C3orf70: variants seen among roughly 807,000 people sequenced by gnomAD.
The protein encoded by C3orf70 is UPF0524 protein C3orf70.
A neutral mutation model predicts 20.7 loss-of-function variants in C3orf70; 15 were observed. The observed-to-expected ratio is 0.72, with a 90% CI of 0.48 to 1.11. C3orf70 has a LOEUF of 1.11. C3orf70 is among the 50% of genes most tolerant of loss of function. The probability of loss-of-function intolerance (pLI) is 0.00; values close to 1 mark genes in which losing one functional copy is unlikely to be tolerated. For synonymous variants in C3orf70, 161 were observed against 125.7 expected (o/e 1.28, Z -1.88); for missense variants, 332 against 317.6 (o/e 1.05, Z -0.34).
At chr3:185,137,259 G>A (rs1716648224) in intron 1 of C3orf70, among the ~76,000 whole-genome samples, 1 of 152,178 alleles carries the variant, frequency 6.6e-6, no homozygotes, top group African/African-American at 2.4e-5. Flanking sequence ...TGATTGTGAG[G>A]CTTCCCAGCC....
rs915266704 is a variant in C3orf70, at chr3:185,079,834, T to A, written c.*3173A>T. The A allele has an allele frequency of 1.3e-5, 2 of 152,678 alleles. No homozygotes were observed. The highest frequency in any genetic ancestry group is 1.3e-4 in the Admixed American group (2 of 15,284). 9.5% of individuals were successfully genotyped at this position (152,678 alleles called of 1,614,324 possible). On this transcript the variant is annotated 3_prime_UTR_variant, in exon 2 of 2. Transcript: ENST00000335012. ...GGGTCCAAAGTATACAGCTTTCATA[T>A]CTGTCAGTCAGTGTGCAAGTGTTAA...
chr3:185,132,832 T>TA (rs1259592976), intron 1 of C3orf70, among the ~76,000 whole-genome samples: 1 of 152,038 alleles, frequency 6.6e-6, no homozygotes, highest in Non-Finnish European at 1.5e-5. Flanking sequence ...CAGAGAAATG[T>TA]AGAACACCAA....
At chr3:185,104,434 A>C (rs942163466) in intron 1 of C3orf70, among the ~76,000 whole-genome samples, 4 of 152,208 alleles carry the variant, frequency 2.6e-5, no homozygotes, top group African/African-American at 9.6e-5. Flanking sequence ...CAAAGACCTA[A>C]AAACAGAACT....
At chr3:185,114,872 A>C (rs1716144475) in intron 1 of C3orf70, among the ~76,000 whole-genome samples, 1 of 152,234 alleles carries the variant, frequency 6.6e-6, no homozygotes, top group Admixed American at 6.5e-5. Flanking sequence ...TGGGGAAAAA[A>C]AGGGAACTCA....
At chr3:185,102,657 C>G (rs576675999) in intron 1 of C3orf70, among the ~76,000 whole-genome samples, 2 of 152,228 alleles carry the variant, frequency 1.3e-5, no homozygotes, top group South Asian at 4.1e-4. Flanking sequence ...ATTTCAAACT[C>G]TACTACAGGG....
At chr3:185,099,122 G>A (rs1715770198) in intron 1 of C3orf70, among the ~76,000 whole-genome samples, 1 of 152,192 alleles carries the variant, frequency 6.6e-6, no homozygotes, top group African/African-American at 2.4e-5. Context: ...TTTAAGACAT[G>A]GGGAGAGTGT....
At chr3:185,107,332 A>G (rs1715965119) in intron 1 of C3orf70, among the ~76,000 whole-genome samples, 1 of 152,200 alleles carries the variant, frequency 6.6e-6, no homozygotes, top group African/African-American at 2.4e-5. Context: ...TGGGGGAGAG[A>G]TTTATTACAA....
In C3orf70 at chr3:185,117,454, A is replaced by AAGAGAGAGAGAGAG. The variant is rs3072374; in HGVS notation, c.197-33905_197-33892dup. 3.9e-3 allele frequency among the ~76,000 whole-genome samples: 550 copies of AAGAGAGAGAGAGAG among 141,972 alleles called. 3 individuals carry two copies. The highest frequency in any genetic ancestry group is 0.015 in the African/African-American group (526 of 35,610). The allele number at this position is 141,972 out of a possible 152,430, so 93.1% of individuals were successfully genotyped here. On this transcript the variant is annotated intron_variant, in intron 1 of 1. Transcript: ENST00000335012. ...ACACACACACACACACACACACAGA[A>AAGAGAGAGAGAGAG]AGAGAGAGAGAGAGAGAGAGAGAGA...
chr3:185,114,967 T>C (rs574203815), intron 1 of C3orf70, among the ~76,000 whole-genome samples: 1 of 152,360 alleles, frequency 6.6e-6, no homozygotes, highest in Non-Finnish European at 1.5e-5. Context: ...CCTCAGGCAA[T>C]TCACTCAAAC....
intron 1 of C3orf70, among the ~76,000 whole-genome samples, chr3:185,135,620 A>G (rs1183949314): frequency 6.6e-6 from 1 of 152,240 alleles, no homozygotes; most frequent in East Asian, 1.9e-4. Flanking sequence ...TGTATTGCAC[A>G]TTTCAAAATA....
intron 1 of C3orf70, among the ~76,000 whole-genome samples, chr3:185,135,741 A>G (rs1339137436): frequency 6.6e-6 from 1 of 152,230 alleles, no homozygotes; most frequent in Non-Finnish European, 1.5e-5. Flanking sequence ...ATGTAACAAA[A>G]TATCACATGT....
chr3:185,088,787 C>G (rs780642378), intron 1 of C3orf70, among the ~76,000 whole-genome samples: 25 of 152,180 alleles, frequency 1.6e-4, no homozygotes, highest in Admixed American at 6.5e-5. Flanking sequence ...GGATAGGTGG[C>G]TCTTGTCTGC....
At chr3:185,119,358 T>C (rs553062570) in intron 1 of C3orf70, among the ~76,000 whole-genome samples, 56 of 152,186 alleles carry the variant, frequency 3.7e-4, no homozygotes, top group African/African-American at 1.2e-3. Context: ...CACTTGAAAT[T>C]TGTGCTAAGA....
intron 1 of C3orf70, among the ~76,000 whole-genome samples, chr3:185,090,755 T>C (rs1347708926): frequency 6.6e-6 from 1 of 152,126 alleles, no homozygotes; most frequent in Non-Finnish European, 1.5e-5. Flanking sequence ...TAGTATTTAT[T>C]ATAGCCAATA....
chr3:185,108,498 G>A (rs1194141866), intron 1 of C3orf70, among the ~76,000 whole-genome samples: 1 of 152,222 alleles, frequency 6.6e-6, no homozygotes, highest in African/African-American at 2.4e-5. Flanking sequence ...GTTAGAATTA[G>A]AATGCACCCT....
intron 1 of C3orf70, among the ~76,000 whole-genome samples, chr3:185,096,878 CT>C (rs1367427853): frequency 6.6e-6 from 1 of 152,192 alleles, no homozygotes; most frequent in Non-Finnish European, 1.5e-5. Flanking sequence ...GGGCCGCTTC[CT>C]GCTTGCCAAG....
At chr3:185,128,854 G>T (rs981663482) in intron 1 of C3orf70, among the ~76,000 whole-genome samples, 4 of 152,104 alleles carry the variant, frequency 2.6e-5, no homozygotes, top group Admixed American at 2.0e-4. Flanking sequence ...ATCTCAAGGT[G>T]CTTTCTTTCT....
intron 1 of C3orf70, among the ~76,000 whole-genome samples, chr3:185,084,393 T>C (rs1715418658): frequency 6.6e-6 from 1 of 152,194 alleles, no homozygotes; most frequent in East Asian, 1.9e-4. Context: ...ATTTAATAGG[T>C]AGTGGCCCAC....
At chr3:185,125,866 G>C (rs1577330125) in intron 1 of C3orf70, among the ~76,000 whole-genome samples, 1 of 152,140 alleles carries the variant, frequency 6.6e-6, no homozygotes, top group Admixed American at 6.6e-5. Context: ...CATAAAAACA[G>C]GTTAGCAGTT....
Sources: allele counts gnomAD v4.1 joint callset (sites outside exome capture counted in the v4.1 genomes callset), GRCh38; gene constraint gnomAD v4.1.1; transcripts MANE v1.5; gene names NCBI Gene and HGNC (gene_info 2026-07-23, HGNC 2026-07-21).